CEMIP: variants seen among roughly 807,000 people sequenced by gnomAD.
CEMIP encodes the protein cell migration inducing hyaluronidase 1, also known as cell migration-inducing and hyaluronan-binding protein.
Under a neutral mutation model 156.9 loss-of-function variants are expected in CEMIP, and 105 were observed. The ratio of observed to expected loss-of-function variants is 0.67; its 90% CI spans 0.57 to 0.79. The LOEUF (loss-of-function observed/expected upper bound fraction) is 0.79, where lower values mean the gene tolerates loss of function less well. Among genes scored for constraint, CEMIP ranks in the 30% least tolerant of loss-of-function variants. CEMIP has a pLI of 0.00. For synonymous variants in CEMIP, 676 were observed against 668.4 expected (o/e 1.01, Z -0.17); for missense variants, 1,457 against 1,769.4 (o/e 0.82, Z 3.17).
At chr15:80,780,561 T>G (rs1223462777) in intron 1 of CEMIP, among the ~76,000 whole-genome samples, 2 of 152,296 alleles carry the variant, frequency 1.3e-5, no homozygotes, top group African/African-American at 2.4e-5. Context: ...CTGCCGGGTT[T>G]GAGGTCCTGA....
intron 23 of CEMIP, among the ~76,000 whole-genome samples, chr15:80,933,953 A>G (rs1330752788): frequency 6.6e-6 from 1 of 152,246 alleles, no homozygotes; most frequent in Non-Finnish European, 1.5e-5. Context: ...TTTTAATAAT[A>G]CTTTAATTGT....
intron 25 of CEMIP, 54 bp downstream of exon 25, chr15:80,938,033 C>G (rs1012706607): frequency 8.9e-6 from 13 of 1,452,634 alleles, no homozygotes; most frequent in Non-Finnish European, 1.2e-5. Context: ...ATCTTGTCCC[C>G]TTGGCCTTTC....
At chr15:80,854,663 A>T (rs1861337973) in intron 1 of CEMIP, among the ~76,000 whole-genome samples, 1 of 152,224 alleles carries the variant, frequency 6.6e-6, no homozygotes, top group South Asian at 2.1e-4. Context: ...TGTATATGTT[A>T]TCTCTTTGAA....
At chr15:80,881,694 G>A (rs567275132) in intron 6 of CEMIP, among the ~76,000 whole-genome samples, 39 of 152,322 alleles carry the variant, frequency 2.6e-4, no homozygotes, top group African/African-American at 8.4e-4. Context: ...CGGTAAGGAC[G>A]TGGGTTTTCT....
At chr15:80,862,998 G>A (rs1163396508) in intron 1 of CEMIP, among the ~76,000 whole-genome samples, 2 of 152,162 alleles carry the variant, frequency 1.3e-5, no homozygotes, top group Non-Finnish European at 2.9e-5. Context: ...GGAGAGGCCA[G>A]GACCCTTCCT....
intron 25 of CEMIP, among the ~76,000 whole-genome samples, chr15:80,938,411 C>A (rs984337439): frequency 5.9e-5 from 9 of 152,146 alleles, no homozygotes; most frequent in Admixed American, 5.9e-4. Context: ...TCGAGACCAG[C>A]CTGGCCAACA....
intron 1 of CEMIP, among the ~76,000 whole-genome samples, chr15:80,801,346 A>G (rs1215019778): frequency 6.6e-6 from 1 of 152,076 alleles, no homozygotes; most frequent in Non-Finnish European, 1.5e-5. Context: ...GGCCTCATTT[A>G]TGTGTTTGGC....
At chr15:80,925,433 G>C (rs1420115182) in intron 18 of CEMIP, among the ~76,000 whole-genome samples, 191 bp from the exon 19 acceptor site, 1 of 152,222 alleles carries the variant, frequency 6.6e-6, no homozygotes, top group African/African-American at 2.4e-5. Context: ...GCTGGTGGAG[G>C]AGTGACTTCT....
intron 1 of CEMIP, among the ~76,000 whole-genome samples, chr15:80,817,602 AAATAATAAT>A (rs59356064): frequency 0.16 from 21,727 of 138,680 alleles, 2,037 homozygotes; most frequent in East Asian, 0.38. Context: ...CCCTGTCTCA[AAATAATAAT>A]AATAATAATA....
Position 80,889,529 on chromosome 15 carries a change from G to A in CEMIP, c.1023G>A (p.Glu341=). 2 of 1,614,182 alleles carry A rather than the reference G, an allele frequency of 1.2e-6. No homozygotes were observed. The highest frequency in any genetic ancestry group is 1.7e-6 in the Non-Finnish European group (2 of 1,180,020). The change falls in exon 10 of 30, where the codon GAG becomes GAA. Residue 341 remains glutamate, a synonymous_variant. Coordinates refer to ENST00000394685, the MANE Select transcript of CEMIP (RefSeq NM_001293298.2). ...AAGTATCTCAGACTAAAGGTGGGGA[G>A]AAAATTTCAGACCTCTGGAAAGCTC... ...HDKVSQTKGG[E]KISDLWKAHP...
Position 80,932,474 on chromosome 15 carries a change from A to G in CEMIP, c.2793+435A>G, listed in dbSNP as rs1362780219. Among the ~76,000 whole-genome samples, 1 of 152,026 alleles carries G rather than the reference A, an allele frequency of 6.6e-6. No homozygotes were observed. The highest frequency in any genetic ancestry group is 2.4e-5 in the African/African-American group (1 of 41,378). On this transcript the variant is annotated intron_variant, in intron 22 of 29. Transcript: ENST00000394685. This position sits in a 1 kb window ranked among gnomAD's most constrained non-coding sequence, Gnocchi z 4.5. ...AATCTCTCCCCGAGAGCAGACTATA[A>G]ACAGAGGCCTCCTTGCCCTAGACAG...
Position 80,922,137 on chromosome 15 carries a change from G to A in CEMIP, c.2202G>A (p.Arg734=). The change falls in exon 17 of 30, where the codon CGG becomes CGA. Residue 734 remains arginine (R), a splice_region_variant and synonymous_variant. Transcript: ENST00000394685. ...FYNNRAHSNY[R]AGMIIDNGVK... ...ACAACCGAGCACATTCCAACTACCGGGTAAGTCTTTCCAGGCTGCGCCTCT... is the reference window on the plus strand; with the variant it reads ...ACAACCGAGCACATTCCAACTACCGAGTAAGTCTTTCCAGGCTGCGCCTCT... The A allele has an allele frequency of 6.2e-7, 1 of 1,614,180 alleles. No homozygotes were observed. The highest frequency in any genetic ancestry group is 8.5e-7 in the Non-Finnish European group (1 of 1,180,000).
At chr15:80,825,204 T>G (rs999046717) in intron 1 of CEMIP, among the ~76,000 whole-genome samples, 1 of 152,194 alleles carries the variant, frequency 6.6e-6, no homozygotes, top group Admixed American at 6.5e-5. Flanking sequence ...AAGAGTTAAC[T>G]GTGTACCGGA....
At position 80,895,136 on chromosome 15, in the gene CEMIP, T is replaced by G; in HGVS notation, c.1219+14T>G. The G allele has an allele frequency of 6.2e-7, 1 of 1,614,118 alleles. No individual in the cohort carries two copies. ...GTGGGAAGCCTGGTAAGCAGCCCCT[T>G]GTCGGGGACACAGATGCAACTATGG... is the stretch of plus-strand genomic sequence containing the variant. On this transcript the variant is annotated intron_variant, in intron 11 of 29. Coordinates refer to ENST00000394685, the MANE Select transcript of CEMIP (RefSeq NM_001293298.2).
rs763468674 is a variant in CEMIP at position 80,931,878 on chromosome 15, A to G, written c.2632A>G (p.Ile878Val). 6.2e-7 allele frequency: 1 copy of G among 1,614,156 alleles called. No homozygotes were observed. The highest frequency in any genetic ancestry group is 8.5e-7 in the Non-Finnish European group (1 of 1,179,994). The change falls in exon 22 of 30, where the codon ATT becomes GTT. Residue 878 changes from isoleucine (I) to valine (V), a missense_variant. By Grantham distance (29) the Ile-to-Val change is conservative. Coordinates refer to ENST00000394685, the MANE Select transcript of CEMIP (RefSeq NM_001293298.2). The stretch of plus-strand genomic sequence containing the variant: ...CCGTAGGAATTTTCCAATTAGAGGA[A>G]TTCAGTTATATGATGGCCCCATCAA... The part of the protein sequence containing the change: ...PIGQNFPIRG[I>V]QLYDGPINIQ...
chr15:80,909,501 A>G, intron 14 of CEMIP, 195 bp downstream of exon 14: 1 of 680,622 alleles, frequency 1.5e-6, no homozygotes, highest in Non-Finnish European at 2.7e-6. Flanking sequence ...TGTCCTTACC[A>G]AAGGTACCAA....
At chr15:80,835,265 T>G (rs1489214486) in intron 1 of CEMIP, among the ~76,000 whole-genome samples, 3 of 152,222 alleles carry the variant, frequency 2.0e-5, no homozygotes, top group Non-Finnish European at 2.9e-5. Context: ...CAATTCACCA[T>G]GCTTTTGCTC....
intron 29 of CEMIP, chr15:80,948,197 T>G: frequency 6.2e-6 from 1 of 161,342 alleles, no homozygotes. Context: ...CAAGATGGGC[T>G]GAGTATAGAC....
At chr15:80,907,437 C>T (rs920470113) in intron 13 of CEMIP, among the ~76,000 whole-genome samples, 1 of 152,196 alleles carries the variant, frequency 6.6e-6, no homozygotes, top group African/African-American at 2.4e-5. Context: ...TGGCGGGCGC[C>T]TGTAATCCCA....
Sources: gnomAD v4.1 joint callset for allele counts (sites outside exome capture counted in the v4.1 genomes callset) on GRCh38, gnomAD v4.1.1 for gene constraint, Gnocchi (gnomAD v3.1) non-coding constraint, MANE v1.5 for transcripts, NCBI Gene and HGNC (gene_info 2026-07-23, HGNC 2026-07-21) for gene names.